NSUN6: variants seen among roughly 807,000 people sequenced by gnomAD.
NSUN6 encodes NOP2/Sun RNA methyltransferase 6.
Under a neutral mutation model 58.0 loss-of-function variants are expected in NSUN6, and 64 were observed. That is an observed-to-expected ratio of 1.10 (90% confidence interval 0.90 to 1.36). The LOEUF is 1.36. Among genes scored for constraint, NSUN6 ranks in the 40% most tolerant of loss-of-function variants. The pLI is 0.00. For synonymous variants in NSUN6, 231 were observed against 193.9 expected (o/e 1.19, Z -1.59); for missense variants, 701 against 550.1 (o/e 1.27, Z -2.74).
chr10:18,613,187 C>T (rs754506268), intron 5 of NSUN6, among the ~76,000 whole-genome samples: 31 of 152,026 alleles, frequency 2.0e-4, no homozygotes, highest in Non-Finnish European at 3.7e-4. Context: ...ACTGCAACCC[C>T]CCGGGTTCAA....
At chr10:18,552,760 A>G (rs1290636767) in intron 8 of NSUN6, among the ~76,000 whole-genome samples, 1 of 144,684 alleles carries the variant, frequency 6.9e-6, no homozygotes, top group South Asian at 2.1e-4. Context: ...ACTCCATTCT[A>G]TTCTCCATTC....
chr10:18,626,903 G>A (rs1590120669), intron 3 of NSUN6, among the ~76,000 whole-genome samples: 1 of 152,182 alleles, frequency 6.6e-6, no homozygotes, highest in East Asian at 1.9e-4. Flanking sequence ...TTAATGTTCT[G>A]GCCTGCTTGA....
At position 18,546,134 on chromosome 10, in the gene NSUN6, A is replaced by C. The variant is rs780650278; in HGVS notation, c.1209T>G (p.Ile403Met). 329 of 1,611,664 alleles carry C rather than the reference A, an allele frequency of 2.0e-4. No homozygotes were observed. Among genetic ancestry groups the C allele is most frequent in the Non-Finnish European group, 2.7e-4 (320 of 1,177,962 alleles). ...CAGCTCCCCTCATTCCTTCTCCTCC[A>C]ATCTGCGGTTCCTGTTTGGAGAAAG... ...CLQLQPQEPQ[I>M]GGEGMRGAGL... The change falls in exon 11 of 11, where the codon ATT (isoleucine) becomes ATG (methionine). Residue 403 changes from isoleucine to methionine, a missense_variant. Physicochemically the swap from Ile to Met is conservative, Grantham distance 10 (BLOSUM62 1). Transcript: ENST00000377304.
intron 7 of NSUN6, among the ~76,000 whole-genome samples, chr10:18,594,651 A>T (rs2057513598): frequency 6.6e-6 from 1 of 152,016 alleles, no homozygotes; most frequent in Admixed American, 6.6e-5. Flanking sequence ...GGGGTTTCAC[A>T]TGTTGGCCTG....
intron 8 of NSUN6, among the ~76,000 whole-genome samples, chr10:18,582,219 T>C (rs2056936141): frequency 6.6e-6 from 1 of 152,212 alleles, no homozygotes; most frequent in Non-Finnish European, 1.5e-5. Context: ...TCCCTGGCAC[T>C]GGCTGCAACC....
chr10:18,647,598 G>C (rs1241224883), intron 2 of NSUN6, among the ~76,000 whole-genome samples: 2 of 152,076 alleles, frequency 1.3e-5, no homozygotes, highest in Non-Finnish European at 2.9e-5. Context: ...TCTGTAAGAG[G>C]AATATTTTGC....
intron 6 of NSUN6, among the ~76,000 whole-genome samples, chr10:18,604,840 C>T (rs2057986238): frequency 6.7e-6 from 1 of 149,856 alleles, no homozygotes. Context: ...GAGCCGAGAT[C>T]GTGACACTTC....
intron 3 of NSUN6, among the ~76,000 whole-genome samples, chr10:18,639,057 C>T (rs2059313899): frequency 6.6e-6 from 1 of 150,862 alleles, no homozygotes. Context: ...GAGTTTGAGA[C>T]CAGCTTGGGC....
intron 6 of NSUN6, among the ~76,000 whole-genome samples, chr10:18,607,403 G>A (rs920784194): frequency 3.3e-5 from 5 of 152,140 alleles, no homozygotes; most frequent in East Asian, 1.9e-4. Context: ...TTAGAGAAAT[G>A]AATATCACCT....
intron 7 of NSUN6, among the ~76,000 whole-genome samples, chr10:18,591,959 G>A (rs949545877): frequency 2.6e-5 from 4 of 152,102 alleles, no homozygotes; most frequent in Non-Finnish European, 4.4e-5. Flanking sequence ...GACTGTATAT[G>A]TAGAAAACCC....
At chr10:18,571,795 C>T in intron 8 of NSUN6, among the ~76,000 whole-genome samples, 1 of 148,864 alleles carries the variant, frequency 6.7e-6, no homozygotes, top group Non-Finnish European at 1.5e-5. Flanking sequence ...TCCATACCAT[C>T]CTCCATTCCA....
intron 6 of NSUN6, among the ~76,000 whole-genome samples, chr10:18,606,049 G>T (rs905781912): frequency 4.0e-5 from 6 of 151,836 alleles, no homozygotes; most frequent in Admixed American, 3.9e-4. Flanking sequence ...GGCCTAAAAG[G>T]GTTCAGCACA....
In NSUN6 at chr10:18,648,616, T is replaced by C. The variant is rs2059616736; in HGVS notation, c.105A>G (p.Ala35=). The C allele has an allele frequency of 6.2e-7, 1 of 1,605,292 alleles. No homozygotes were observed. Among genetic ancestry groups the C allele is most frequent in the Admixed American group, 1.7e-5 (1 of 59,538 alleles). The change falls in exon 2 of 11, where the codon GCA becomes GCG. Residue 35 remains alanine (A), a synonymous_variant. Transcript: ENST00000377304. The part of the protein sequence containing the change: ...EIVTALGKQE[A]ERKFETLLKH... ...TTAACAAAGTTTCAAACTTCCTTTC[T>C]GCTTCTTGTTTACCTAAAGCAGTCA... is the stretch of plus-strand genomic sequence containing the variant.
intron 8 of NSUN6, among the ~76,000 whole-genome samples, chr10:18,565,676 A>G (rs1169002315): frequency 6.8e-6 from 1 of 146,010 alleles, no homozygotes; most frequent in African/African-American, 2.6e-5. Flanking sequence ...ATTCCATTCC[A>G]TTCTTCCTTC....
chr10:18,572,528 C>T (rs111217301), intron 8 of NSUN6, among the ~76,000 whole-genome samples: 7,326 of 142,218 alleles, frequency 0.052, 274 homozygotes, highest in Non-Finnish European at 0.08. Flanking sequence ...TCTCCATTCC[C>T]TATTCCATTC....
intron 3 of NSUN6, among the ~76,000 whole-genome samples, chr10:18,633,780 C>T (rs931909325): frequency 4.6e-5 from 7 of 152,142 alleles, no homozygotes; most frequent in South Asian, 2.1e-4. Context: ...TATCTAAAAG[C>T]AGCCCAAGAA....
At chr10:18,635,587 A>AGT (rs2059185088) in intron 3 of NSUN6, among the ~76,000 whole-genome samples, 1 of 152,154 alleles carries the variant, frequency 6.6e-6, no homozygotes, top group African/African-American at 2.4e-5. Flanking sequence ...TTGTAATCCC[A>AGT]GTACTTTGGG....
intron 6 of NSUN6, among the ~76,000 whole-genome samples, chr10:18,604,602 G>A (rs564223677): frequency 6.6e-6 from 1 of 152,012 alleles, no homozygotes; most frequent in Non-Finnish European, 1.5e-5. Context: ...AGTGTAGGAA[G>A]GCCAGGCATG....
chr10:18,658,044 C>A (rs938938564), upstream of NSUN6, among the ~76,000 whole-genome samples: 1 of 150,332 alleles, frequency 6.7e-6, no homozygotes, highest in South Asian at 2.1e-4. Context: ...GAAGCTGTTA[C>A]GGAATCTAAA....
Sources: allele counts gnomAD v4.1 joint callset (sites outside exome capture counted in the v4.1 genomes callset), GRCh38; gene constraint gnomAD v4.1.1; transcripts MANE v1.5; gene names NCBI Gene and HGNC (gene_info 2026-07-23, HGNC 2026-07-21).